AKAP19: variants seen among roughly 807,000 people sequenced by gnomAD.
AKAP19 encodes small A-kinase anchoring protein.
At chr2:190,090,866 G>A in the AKAP19 span, 2 of 152,180 alleles carry the variant, frequency 1.3e-5, no homozygotes, top group Non-Finnish European at 1.5e-5. Flanking sequence ...CTAATTGCCT[G>A]CTTATTTTTA....
chr2:189,938,952 C>T, the AKAP19 span, among the ~76,000 whole-genome samples: 1 of 152,154 alleles, frequency 6.6e-6, no homozygotes, highest in African/African-American at 2.4e-5. Flanking sequence ...GCATGTGGAA[C>T]ATTTCTCCTC....
the AKAP19 span, chr2:190,060,310 T>C: frequency 1.2e-6 from 2 of 1,612,974 alleles, no homozygotes; most frequent in African/African-American, 2.7e-5. Flanking sequence ...AACACTGTTG[T>C]AGGAGTCTCG....
At chr2:189,919,508 C>T in the AKAP19 span, among the ~76,000 whole-genome samples, 1 of 151,778 alleles carries the variant, frequency 6.6e-6, no homozygotes, top group Admixed American at 6.6e-5. Flanking sequence ...TGGTTTACTG[C>T]ACCTACTGAC....
At chr2:190,079,789 A>C in the AKAP19 span, among the ~76,000 whole-genome samples, 3 of 151,834 alleles carry the variant, frequency 2.0e-5, no homozygotes, top group Middle Eastern at 6.8e-3. Flanking sequence ...CCAGCCTGGG[A>C]GACAGAGCAA....
At chr2:190,143,332 C>A in the AKAP19 span, among the ~76,000 whole-genome samples, 1 of 148,494 alleles carries the variant, frequency 6.7e-6, no homozygotes, top group African/African-American at 2.5e-5. Flanking sequence ...TCCCTAAATA[C>A]CATGGAACAT....
chr2:189,927,286 A>T, the AKAP19 span, among the ~76,000 whole-genome samples: 2 of 152,188 alleles, frequency 1.3e-5, no homozygotes, highest in Non-Finnish European at 2.9e-5. Context: ...TGCTAACTAT[A>T]AAAGTTTAGA....
At chr2:189,914,323 T>C in the AKAP19 span, among the ~76,000 whole-genome samples, 171 of 152,262 alleles carry the variant, frequency 1.1e-3, 1 homozygote, top group African/African-American at 3.9e-3. Flanking sequence ...ATTTGAATAC[T>C]ACAGAGACAA....
At chr2:189,905,214 A>G in the AKAP19 span, among the ~76,000 whole-genome samples, 2 of 151,976 alleles carry the variant, frequency 1.3e-5, no homozygotes, top group Middle Eastern at 3.2e-3. Flanking sequence ...ACATAGAGAC[A>G]GCTACAGTTG....
At chr2:190,084,510 A>T in the AKAP19 span, among the ~76,000 whole-genome samples, 1 of 152,142 alleles carries the variant, frequency 6.6e-6, no homozygotes, top group South Asian at 2.1e-4. Flanking sequence ...CCCCTTATTG[A>T]CTATTTTTTT....
At chr2:190,081,725 C>A in the AKAP19 span, among the ~76,000 whole-genome samples, 1 of 152,138 alleles carries the variant, frequency 6.6e-6, no homozygotes, top group Non-Finnish European at 1.5e-5. Flanking sequence ...AGCTCACTAA[C>A]TCAGTGGGTT....
the AKAP19 span, among the ~76,000 whole-genome samples, chr2:190,157,611 GT>G: frequency 6.0e-3 from 915 of 152,056 alleles, 6 homozygotes; most frequent in African/African-American, 0.021. Context: ...TTTTACCTTT[GT>G]TTTTAATTAC....
chr2:190,107,709 A>G, the AKAP19 span, among the ~76,000 whole-genome samples: 41 of 152,338 alleles, frequency 2.7e-4, no homozygotes, highest in East Asian at 7.7e-3. Flanking sequence ...ACAGTTTTGG[A>G]AACATGGTCA....
At chr2:190,139,536 C>T in the AKAP19 span, among the ~76,000 whole-genome samples, 3,442 of 152,190 alleles carry the variant, frequency 0.023, 61 homozygotes, top group Middle Eastern at 0.065. Context: ...GGCCTCAGGA[C>T]ACCTACAATC....
the AKAP19 span, among the ~76,000 whole-genome samples, chr2:190,175,424 G>A: frequency 1.3e-5 from 2 of 152,252 alleles, no homozygotes; most frequent in Middle Eastern, 3.4e-3. Flanking sequence ...GAACAGAACT[G>A]GATTATACAT....
the AKAP19 span, among the ~76,000 whole-genome samples, chr2:190,191,948 C>T: frequency 2.0e-5 from 3 of 150,652 alleles, no homozygotes; most frequent in Admixed American, 2.0e-4. Context: ...TTTTCCAGAG[C>T]AAATCTTTTT....
At chr2:189,977,061 G>A in the AKAP19 span, among the ~76,000 whole-genome samples, 33 of 152,270 alleles carry the variant, frequency 2.2e-4, no homozygotes, top group African/African-American at 7.0e-4. Flanking sequence ...CCCGTCCTCT[G>A]CATCGCTCAC....
chr2:189,885,123 C>T, the AKAP19 span, among the ~76,000 whole-genome samples: 2 of 152,160 alleles, frequency 1.3e-5, no homozygotes, highest in African/African-American at 4.8e-5. Context: ...TTATTGTACA[C>T]ATAGGCATAC....
chr2:190,090,620 G>A, the AKAP19 span, among the ~76,000 whole-genome samples: 273 of 152,300 alleles, frequency 1.8e-3, 1 homozygote, highest in African/African-American at 6.1e-3. Context: ...ATAGCTAACT[G>A]ATCACGTGTC....
the AKAP19 span, among the ~76,000 whole-genome samples, chr2:189,932,707 CAAAAA>C: frequency 8.8e-6 from 1 of 113,688 alleles, no homozygotes. Context: ...CCCTCTCTTT[CAAAAA>C]AAAAAAAAAA....
Sources: gnomAD v4.1 joint callset for allele counts (sites outside exome capture counted in the v4.1 genomes callset) on GRCh38, gnomAD v4.1.1 for gene constraint, MANE v1.5 for transcripts, NCBI Gene and HGNC (gene_info 2026-07-23, HGNC 2026-07-21) for gene names.